KCNK13: variants seen among roughly 807,000 people sequenced by gnomAD.
KCNK13 encodes potassium two pore domain channel subfamily K member 13.
In KCNK13, 12 loss-of-function variants were observed where a neutral mutation model predicts 23.4. The ratio of observed to expected loss-of-function variants is 0.51; its 90% CI spans 0.33 to 0.83. The LOEUF (loss-of-function observed/expected upper bound fraction) is 0.83, where lower values mean the gene tolerates loss of function less well. KCNK13 is among the 40% of genes least tolerant of loss of function. The pLI, the probability that KCNK13 is intolerant of heterozygous loss-of-function variation, is 0.02. For missense variants in KCNK13, 463 were observed against 556.3 expected, an observed-to-expected ratio of 0.83 and a Z score of 1.69; for synonymous variants, 231 against 229.5, an observed-to-expected ratio of 1.01 and a Z score of -0.06.
At chr14:90,170,781 CAG>C (rs1890356509) in intron 1 of KCNK13, among the ~76,000 whole-genome samples, 1 of 152,092 alleles carries the variant, frequency 6.6e-6, no homozygotes, top group African/African-American at 2.4e-5. Context: ...CATTTTCTGT[CAG>C]ATAGCATAGA....
chr14:90,125,279 A>G (rs1025311186), intron 1 of KCNK13, among the ~76,000 whole-genome samples: 7 of 150,274 alleles, frequency 4.7e-5, no homozygotes, highest in Admixed American at 2.7e-4. Context: ...GCTGGAGTGC[A>G]GTGGCGTGAT....
intron 1 of KCNK13, among the ~76,000 whole-genome samples, chr14:90,182,118 CAA>C (rs1489985881): frequency 6.6e-6 from 1 of 152,214 alleles, no homozygotes; most frequent in Non-Finnish European, 1.5e-5. Flanking sequence ...ATCATCCTGG[CAA>C]TTCCTTTCCA....
chr14:90,140,146 A>C (rs1213554998), intron 1 of KCNK13, among the ~76,000 whole-genome samples: 1 of 152,140 alleles, frequency 6.6e-6, no homozygotes, highest in African/African-American at 2.4e-5. Context: ...CGTAAGGGTT[A>C]AAACAGGCCC....
intron 1 of KCNK13, among the ~76,000 whole-genome samples, chr14:90,173,807 G>A (rs1890391746): frequency 6.6e-6 from 1 of 152,168 alleles, no homozygotes; most frequent in East Asian, 1.9e-4. Context: ...ACAGATCATA[G>A]GTAGTGTATT....
At chr14:90,080,312 C>T (rs753480314) in intron 1 of KCNK13, among the ~76,000 whole-genome samples, 28 of 151,896 alleles carry the variant, frequency 1.8e-4, no homozygotes, top group African/African-American at 3.9e-4. Context: ...AAAAATTAGC[C>T]GGGCCTGGTG....
intron 1 of KCNK13, among the ~76,000 whole-genome samples, chr14:90,087,506 GT>G (rs1169084102): frequency 6.6e-6 from 1 of 152,166 alleles, no homozygotes. Flanking sequence ...GGTTAGGCTA[GT>G]TTTGAATGAA....
At chr14:90,143,271 G>T (rs1174457134) in intron 1 of KCNK13, among the ~76,000 whole-genome samples, 2 of 147,348 alleles carry the variant, frequency 1.4e-5, no homozygotes, top group Admixed American at 6.9e-5. Context: ...GCGGTAGCGT[G>T]ATCTCGGCTG....
intron 1 of KCNK13, among the ~76,000 whole-genome samples, chr14:90,074,759 G>A (rs1240002755): frequency 6.6e-6 from 1 of 152,108 alleles, no homozygotes; most frequent in African/African-American, 2.4e-5. Flanking sequence ...CCAAACAGAA[G>A]ACACACCCAA....
At chr14:90,141,927 T>C (rs1450351281) in intron 1 of KCNK13, among the ~76,000 whole-genome samples, 2 of 151,852 alleles carry the variant, frequency 1.3e-5, no homozygotes, top group African/African-American at 4.8e-5. Context: ...GGACTACAGG[T>C]GCCTGCCACC....
intron 1 of KCNK13, among the ~76,000 whole-genome samples, chr14:90,180,558 G>A (rs905494324): frequency 8.5e-5 from 13 of 152,096 alleles, no homozygotes; most frequent in African/African-American, 2.7e-4. Context: ...TTGCTGATAG[G>A]AGAGATGGCA....
chr14:90,141,311 C>T (rs1890002390), intron 1 of KCNK13, among the ~76,000 whole-genome samples: 1 of 152,244 alleles, frequency 6.6e-6, no homozygotes, highest in Non-Finnish European at 1.5e-5. Flanking sequence ...CTATAATTGA[C>T]ATACAATAGT....
At chr14:90,154,477 C>T (rs1356683604) in intron 1 of KCNK13, among the ~76,000 whole-genome samples, 1 of 152,220 alleles carries the variant, frequency 6.6e-6, no homozygotes, top group African/African-American at 2.4e-5. Flanking sequence ...CTACTACCCA[C>T]AATGCTTGCT....
chr14:90,085,708 T>TTATATATACTTATATATAATA (rs1178020591), intron 1 of KCNK13, among the ~76,000 whole-genome samples: 2 of 140,204 alleles, frequency 1.4e-5, no homozygotes, highest in Non-Finnish European at 1.5e-5. Context: ...AATTTATATA[T>TTATATATACTTATATATAATA]TATATATACT....
chr14:90,068,704 A>C (rs1254000442), intron 1 of KCNK13, among the ~76,000 whole-genome samples: 1 of 152,182 alleles, frequency 6.6e-6, no homozygotes, highest in Non-Finnish European at 1.5e-5. Flanking sequence ...TCCTGGGCAC[A>C]TTCAAGTTTG....
chr14:90,116,598 G>C (rs1032135628), intron 1 of KCNK13, among the ~76,000 whole-genome samples: 2 of 152,134 alleles, frequency 1.3e-5, no homozygotes, highest in Non-Finnish European at 2.9e-5. Context: ...TTTGGGAAAG[G>C]AGACAAGCCC....
chr14:90,156,440 A>G (rs549205803), intron 1 of KCNK13, among the ~76,000 whole-genome samples: 27 of 152,256 alleles, frequency 1.8e-4, no homozygotes, highest in African/African-American at 6.0e-4. Context: ...TTGGAAACCA[A>G]ATGAAAAAAA....
intron 1 of KCNK13, among the ~76,000 whole-genome samples, chr14:90,069,366 G>A (rs1022457495): frequency 6.6e-6 from 1 of 152,012 alleles, no homozygotes; most frequent in Non-Finnish European, 1.5e-5. Flanking sequence ...AGATAATTAT[G>A]CAAGTGCCCT....
chr14:90,147,463 T>C (rs530314618), intron 1 of KCNK13, among the ~76,000 whole-genome samples: 106 of 152,216 alleles, frequency 7.0e-4, no homozygotes, highest in Non-Finnish European at 1.3e-3. Flanking sequence ...TGGTTTGTGA[T>C]GTTTTTATCA....
At chr14:90,183,818 C>T (rs1178295427) in intron 1 of KCNK13, among the ~76,000 whole-genome samples, 2 of 152,172 alleles carry the variant, frequency 1.3e-5, no homozygotes, top group African/African-American at 4.8e-5. Flanking sequence ...TGAAATCCAG[C>T]CCACATTCTT....
Sources: allele counts gnomAD v4.1 joint callset (sites outside exome capture counted in the v4.1 genomes callset), GRCh38; gene constraint gnomAD v4.1.1; transcripts MANE v1.5; gene names NCBI Gene and HGNC (gene_info 2026-07-23, HGNC 2026-07-21).